The following KNDC1 variants were observed in gnomAD, a reference collection of about 807,000 sequenced individuals.
The protein encoded by KNDC1 is kinase non-catalytic C-lobe domain containing 1, also known as kinase non-catalytic C-lobe domain-containing protein 1.
A neutral mutation model predicts 172.8 loss-of-function variants in KNDC1; 106 were observed. That is an observed-to-expected ratio of 0.61 (90% CI 0.52 to 0.72). The LOEUF (loss-of-function observed/expected upper bound fraction) is 0.72. Among genes scored for constraint, KNDC1 ranks in the 30% least tolerant of loss-of-function variants. KNDC1 has a pLI of 0.00. For synonymous variants in KNDC1, 1,083 were observed against 1,062.2 expected (o/e 1.02, Z -0.38); for missense variants, 2,325 against 2,394.5 (o/e 0.97, Z 0.61).
rs1845530245 is a variant in KNDC1 at position 133,219,180 on chromosome 10, C to T, written c.4860+90C>T. 5 of 1,463,800 alleles carry T rather than the reference C, an allele frequency of 3.4e-6. No individual in the cohort carries two copies. The South Asian group carries it at 6.1e-5, about 18-fold the overall frequency. 90.7% of individuals were successfully genotyped at this position (1,463,800 alleles called of 1,614,324 possible). A position where few individuals can be genotyped will look rare whatever the true frequency, so the allele number is the denominator to read the frequency against. ...GTGCAGAGCCTGCCGCACCCAGACG[C>T]AGGCACCACAGAGTGTGTGCAGGTG... On this transcript the variant is annotated intron_variant, in intron 28 of 29. Coordinates refer to ENST00000304613, the MANE Select transcript of KNDC1 (RefSeq NM_152643.8).
intron 9 of KNDC1, 102 bp from the exon 10 acceptor site, chr10:133,195,561 G>A: frequency 8.7e-7 from 1 of 1,149,808 alleles, no homozygotes; most frequent in African/African-American, 1.6e-5. Flanking sequence ...CTCTGTGGGG[G>A]CAGTGCCTGG....
intron 24 of KNDC1, 91 bp from the exon 25 acceptor site, chr10:133,213,554 C>T: frequency 8.9e-7 from 1 of 1,121,468 alleles, no homozygotes; most frequent in African/African-American, 1.5e-5. Context: ...GCTGGCCCCC[C>T]AGAAAACACC....
intron 20 of KNDC1, among the ~76,000 whole-genome samples, chr10:133,210,043 C>G (rs1845325355): frequency 6.6e-6 from 1 of 152,134 alleles, no homozygotes; most frequent in South Asian, 2.1e-4. Flanking sequence ...CTAACGGGTC[C>G]TGCGAGTGGA....
In KNDC1 at chr10:133,207,230, C is replaced by T. The variant is rs1845223999; in HGVS notation, c.3673C>T (p.Pro1225Ser). 2 of 1,612,858 alleles carry T rather than the reference C, an allele frequency of 1.2e-6. No homozygotes were observed. Among genetic ancestry groups the T allele is most frequent in the East Asian group, 2.2e-5 (1 of 44,870 alleles). Residue 1225 changes from proline (P) to serine (S), a missense_variant, in exon 20 of 30, where the codon CCC becomes TCC. Pro to Ser is a moderately conservative substitution (Grantham distance 74). Coordinates refer to ENST00000304613, the MANE Select transcript of KNDC1 (RefSeq NM_152643.8). ...ACCCTGCGACACGCTGGACTTCAGC[C>T]CCCTGGACGAGTCCTCCTCGCTCAT... The part of the protein sequence containing the change: ...AAPCDTLDFS[P>S]LDESSSLIFY...
intron 29 of KNDC1, 44 bp downstream of exon 29, chr10:133,220,156 C>T (rs1472363877): frequency 2.7e-6 from 4 of 1,499,616 alleles, no homozygotes; most frequent in Non-Finnish European, 3.6e-6. Flanking sequence ...AGAGGAGGGG[C>T]TCAGGCGGGC....
chr10:133,201,460 A>G (rs779065078), intron 16 of KNDC1, 41 bp from the exon 17 acceptor site: 3 of 1,543,022 alleles, frequency 1.9e-6, no homozygotes, highest in East Asian at 2.3e-5. Flanking sequence ...CTCCGCCCAC[A>G]GGAGCCACTG....
intron 3 of KNDC1, among the ~76,000 whole-genome samples, chr10:133,175,599 A>C (rs1853512279): frequency 1.4e-5 from 2 of 147,588 alleles, no homozygotes; most frequent in African/African-American, 5.0e-5. Flanking sequence ...GGATGGATGG[A>C]TGGATGGGTG....
At chr10:133,211,322 G>A in intron 21 of KNDC1, 100 bp from the exon 22 acceptor site, 1 of 1,146,536 alleles carries the variant, frequency 8.7e-7, no homozygotes, top group Non-Finnish European at 1.2e-6. Flanking sequence ...CATGGAGCCT[G>A]GTCCCACCCT....
In KNDC1 at chr10:133,211,779, AC is replaced by A. The variant is rs1207181497; in HGVS notation, c.4161del (p.Arg1388GlyfsTer77). The A allele has an allele frequency of 7.5e-6, 12 of 1,610,684 alleles. No individual in the cohort carries two copies. Among genetic ancestry groups the A allele is most frequent in the Non-Finnish European group, 1.0e-5 (12 of 1,179,322 alleles). On this transcript the variant is annotated frameshift_variant, in exon 23 of 30. Transcript: ENST00000304613. LOFTEE classifies it high-confidence loss of function. ...AACCCTCGCGGCACAGACCTGGAGA[AC>A]CCCAGGGAGGCCGAGGAGGATGCCA... ...EGNPRGTDLENPREAEEDARP... is the reference protein window; with the variant it reads ...EGNPRGTDLEXPREAEEDARP...
At chr10:133,165,028 G>A (rs1853103834) in intron 1 of KNDC1, among the ~76,000 whole-genome samples, 1 of 152,196 alleles carries the variant, frequency 6.6e-6, no homozygotes, top group Admixed American at 6.5e-5. Flanking sequence ...GTGACCCGGG[G>A]CCCAGAGTTC....
chr10:133,161,841 G>A (rs1183104144), intron 1 of KNDC1, among the ~76,000 whole-genome samples: 1 of 152,218 alleles, frequency 6.6e-6, no homozygotes, highest in Non-Finnish European at 1.5e-5. Flanking sequence ...CAGCTCCTTC[G>A]TGCATCAGAG....
chr10:133,219,856 G>A (rs1845545637), intron 28 of KNDC1, 99 bp from the exon 29 acceptor site: 2 of 1,219,364 alleles, frequency 1.6e-6, no homozygotes, highest in Non-Finnish European at 1.1e-6. Context: ...GAGAACGCAG[G>A]ACCCGCTGGG....
intron 10 of KNDC1, 57 bp from the exon 11 acceptor site, chr10:133,197,001 G>T (rs1854209709): frequency 2.9e-6 from 4 of 1,385,124 alleles, no homozygotes; most frequent in Non-Finnish European, 3.1e-6. Flanking sequence ...GTGACACGGG[G>T]ACGGTGCAGC....
chr10:133,189,346 G>A (rs936396686), intron 7 of KNDC1, among the ~76,000 whole-genome samples: 5 of 152,228 alleles, frequency 3.3e-5, no homozygotes, highest in Admixed American at 6.5e-5. Flanking sequence ...CTCCCTTTCA[G>A]CCGCAGATAT....
At chr10:133,164,258 T>G (rs1853074891) in intron 1 of KNDC1, 1 of 152,376 alleles carries the variant, frequency 6.6e-6, no homozygotes, top group Admixed American at 6.5e-5. Context: ...CTAGGGATGG[T>G]AAGGGGCAGG....
chr10:133,172,314 TCTG>T (rs751222007), intron 3 of KNDC1, among the ~76,000 whole-genome samples: 4 of 152,270 alleles, frequency 2.6e-5, no homozygotes, highest in Non-Finnish European at 5.9e-5. Context: ...AGATGTTTCT[TCTG>T]CATCCTTTGA....
At chr10:133,207,926 C>A (rs988951036) in intron 20 of KNDC1, among the ~76,000 whole-genome samples, 20 of 152,306 alleles carry the variant, frequency 1.3e-4, no homozygotes, top group Non-Finnish European at 2.6e-4. Flanking sequence ...GGCCCTTCAC[C>A]CACTCTGGCC....
Position 133,188,666 on chromosome 10 carries a change from C to G in KNDC1, c.1441+13C>G. On this transcript the variant is annotated intron_variant, in intron 7 of 29. Coordinates refer to ENST00000304613, the MANE Select transcript of KNDC1 (RefSeq NM_152643.8). ...CCTGAGCACCCAGGTGACGCACGCA[C>G]CATCCCATCCCCCCCGCCGTCCCCA... 1 of 1,506,204 alleles carries G rather than the reference C, an allele frequency of 6.6e-7. No homozygotes were observed. Among genetic ancestry groups the G allele is most frequent in the Non-Finnish European group, 9.0e-7 (1 of 1,114,354 alleles). The allele number at this position is 1,506,204 out of a possible 1,614,324, so 93.3% of individuals were successfully genotyped here.
chr10:133,165,349 C>T (rs958743845), intron 1 of KNDC1, among the ~76,000 whole-genome samples: 4 of 152,194 alleles, frequency 2.6e-5, no homozygotes, highest in African/African-American at 9.7e-5. Flanking sequence ...GTGCTGTGTG[C>T]GAGTGGTGGC....
Sources: allele counts gnomAD v4.1 joint callset (sites outside exome capture counted in the v4.1 genomes callset), GRCh38; gene constraint gnomAD v4.1.1; transcripts MANE v1.5; gene names NCBI Gene and HGNC (gene_info 2026-07-23, HGNC 2026-07-21).